EIF4G3: variants seen among roughly 807,000 people sequenced by gnomAD.
EIF4G3 encodes eIF-4-gamma 3.
In EIF4G3, 34 loss-of-function variants were observed where a neutral mutation model predicts 186.4. That is an observed-to-expected ratio of 0.18 (90% CI 0.14 to 0.24). The LOEUF (loss-of-function observed/expected upper bound fraction) is 0.24. Ranked by LOEUF, EIF4G3 falls within the 10% of genes least tolerant of loss-of-function variation. The probability of loss-of-function intolerance (pLI) is 1.00; values close to 1 mark genes in which losing one functional copy is unlikely to be tolerated. For synonymous variants in EIF4G3, 673 were observed against 679.5 expected, an observed-to-expected ratio of 0.99 and a Z score of 0.15; for missense variants, 1,536 against 1,948.5, an observed-to-expected ratio of 0.79 and a Z score of 3.99.
intron 30 of EIF4G3, among the ~76,000 whole-genome samples, chr1:20,833,251 T>C (rs1435325892): frequency 6.6e-6 from 1 of 150,600 alleles, no homozygotes; most frequent in Non-Finnish European, 1.5e-5. Flanking sequence ...GAGCATGGAA[T>C]GTTCTTCCAT....
chr1:20,825,238 G>T, intron 32 of EIF4G3, 40 bp from the exon 33 acceptor site: 2 of 840,142 alleles, frequency 2.4e-6, no homozygotes. Context: ...CTTTCACAGT[G>T]GAAGAAGAAA....
intron 7 of EIF4G3, among the ~76,000 whole-genome samples, chr1:20,995,620 C>T (rs1007446018): frequency 1.3e-5 from 2 of 152,180 alleles, no homozygotes; most frequent in Admixed American, 1.3e-4. Context: ...GATCCACCCA[C>T]CTCAGCCTCC....
intron 14 of EIF4G3, among the ~76,000 whole-genome samples, chr1:20,912,134 AGGTATAGT>A (rs999315642): frequency 2.0e-5 from 3 of 152,098 alleles, no homozygotes; most frequent in Non-Finnish European, 2.9e-5. Context: ...AAAATTAGCC[AGGTATAGT>A]GTCATGCACC....
At chr1:20,858,958 T>C (rs2075731272) in intron 24 of EIF4G3, among the ~76,000 whole-genome samples, 2 of 152,192 alleles carry the variant, frequency 1.3e-5, no homozygotes, top group African/African-American at 4.8e-5. Context: ...ATCGCGCTAC[T>C]GCACTCCAGC....
intron 2 of EIF4G3, among the ~76,000 whole-genome samples, chr1:21,091,969 T>C (rs1408211869): frequency 2.0e-5 from 3 of 152,164 alleles, no homozygotes; most frequent in East Asian, 1.9e-4. Context: ...CTTTTCCTAA[T>C]TGAATACCCT....
chr1:20,854,067 A>C (rs2074144050), intron 26 of EIF4G3, among the ~76,000 whole-genome samples: 1 of 152,132 alleles, frequency 6.6e-6, no homozygotes. Flanking sequence ...AAATTTAAAG[A>C]AAAAAAGGTT....
chr1:20,825,565 T>C (rs2063403584), intron 32 of EIF4G3, among the ~76,000 whole-genome samples: 2 of 152,210 alleles, frequency 1.3e-5, no homozygotes, highest in Non-Finnish European at 2.9e-5. Flanking sequence ...TACAGCTGCT[T>C]AAGATTAAAT....
chr1:21,087,447 A>C (rs2096024981), intron 3 of EIF4G3, among the ~76,000 whole-genome samples: 1 of 152,166 alleles, frequency 6.6e-6, no homozygotes, highest in African/African-American at 2.4e-5. Flanking sequence ...ACCAAGTAAG[A>C]ATCCTCAAAA....
At chr1:20,908,040 T>G (rs1279120620) in intron 14 of EIF4G3, among the ~76,000 whole-genome samples, 1 of 152,034 alleles carries the variant, frequency 6.6e-6, no homozygotes, top group South Asian at 2.1e-4. Flanking sequence ...TTTCTCCACA[T>G]CCTCTCCAGC....
intron 12 of EIF4G3, among the ~76,000 whole-genome samples, chr1:20,959,663 A>G (rs1040662797): frequency 7.9e-5 from 10 of 127,024 alleles, no homozygotes; most frequent in African/African-American, 3.4e-4. Flanking sequence ...AGCAATAATA[A>G]TAATAATAAT....
chr1:20,907,718 T>G (rs1317536385), intron 14 of EIF4G3, among the ~76,000 whole-genome samples: 1 of 152,120 alleles, frequency 6.6e-6, no homozygotes, highest in Non-Finnish European at 1.5e-5. Flanking sequence ...ACAAAGGACA[T>G]GAACTCATCA....
intron 3 of EIF4G3, among the ~76,000 whole-genome samples, chr1:21,072,160 C>T (rs2095461876): frequency 6.6e-6 from 1 of 152,068 alleles, no homozygotes; most frequent in Admixed American, 6.6e-5. Flanking sequence ...AAGGAGTTTA[C>T]TTTTCTAAGG....
Position 20,810,597 on chromosome 1 carries a change from T to A in EIF4G3, c.4744+141A>T. ...GCCACTGCACCCGGCCAAATTCAAA[T>A]TTATTAAAGTTAGTTATATGAGTTT... On this transcript the variant is annotated intron_variant, in intron 36 of 36. Transcript: ENST00000602326. The surrounding 1 kb of genome is among the most constrained non-coding windows in gnomAD (Gnocchi z 4.1). The A allele has an allele frequency of 9.4e-7, 1 of 1,068,706 alleles. No homozygotes were observed. Among genetic ancestry groups the A allele is most frequent in the Admixed American group, 2.4e-5 (1 of 41,462 alleles). The allele number at this position is 1,068,706 out of a possible 1,614,324, so 66.2% of individuals were successfully genotyped here. A position where few individuals can be genotyped will look rare whatever the true frequency, so the allele number is the denominator to read the frequency against.
intron 2 of EIF4G3, among the ~76,000 whole-genome samples, chr1:21,161,304 G>C (rs1322766204): frequency 1.3e-5 from 2 of 151,906 alleles, no homozygotes; most frequent in Non-Finnish European, 1.5e-5. Context: ...AGGAGTTCAA[G>C]ACCAGCCTGG....
chr1:21,145,102 G>GA (rs200167764), intron 2 of EIF4G3, among the ~76,000 whole-genome samples: 38 of 150,650 alleles, frequency 2.5e-4, no homozygotes, highest in African/African-American at 5.6e-4. Flanking sequence ...AACATAGCAA[G>GA]AAAAAAAAAA....
chr1:21,005,102 G>T (rs1451002826), intron 4 of EIF4G3, among the ~76,000 whole-genome samples: 4 of 152,098 alleles, frequency 2.6e-5, no homozygotes, highest in Non-Finnish European at 5.9e-5. Flanking sequence ...TTATGTGTAT[G>T]TATCACATCC....
At chr1:21,030,616 C>T (rs944372585) in intron 4 of EIF4G3, among the ~76,000 whole-genome samples, 1 of 151,938 alleles carries the variant, frequency 6.6e-6, no homozygotes, top group South Asian at 2.1e-4. Context: ...GGCCAGTGCT[C>T]GTAACAAAAA....
At chr1:21,067,045 A>G (rs2095267133) in intron 3 of EIF4G3, among the ~76,000 whole-genome samples, 1 of 152,148 alleles carries the variant, frequency 6.6e-6, no homozygotes, top group Non-Finnish European at 1.5e-5. Context: ...ATTTAACAAA[A>G]TAACATACCC....
At chr1:21,129,735 C>A (rs561798921) in intron 2 of EIF4G3, among the ~76,000 whole-genome samples, 1 of 152,170 alleles carries the variant, frequency 6.6e-6, no homozygotes, top group East Asian at 1.9e-4. Flanking sequence ...CACCCCAATT[C>A]CAGTGAGGAA....
Sources: gnomAD v4.1 joint callset for allele counts (sites outside exome capture counted in the v4.1 genomes callset) on GRCh38, gnomAD v4.1.1 for gene constraint, Gnocchi (gnomAD v3.1) non-coding constraint, MANE v1.5 for transcripts, NCBI Gene and HGNC (gene_info 2026-07-23, HGNC 2026-07-21) for gene names.